ZNG1F: variants seen among roughly 807,000 people sequenced by gnomAD.
The protein encoded by ZNG1F is Zn regulated GTPase metalloprotein activator 1F.
the ZNG1F span, among the ~76,000 whole-genome samples, chr9:41,201,337 A>G: frequency 1.6e-5 from 2 of 128,332 alleles, no homozygotes; most frequent in Non-Finnish European, 3.3e-5. Context: ...CACCCTTGCA[A>G]TAACATGAAC....
chr9:41,151,405 G>C, the ZNG1F span, among the ~76,000 whole-genome samples: 2 of 150,102 alleles, frequency 1.3e-5, no homozygotes, highest in African/African-American at 4.9e-5. Context: ...AGGGAGAATG[G>C]AACCAAGTTG....
chr9:41,184,524 CTTG>C, the ZNG1F span, among the ~76,000 whole-genome samples: 1 of 147,944 alleles, frequency 6.8e-6, no homozygotes, highest in East Asian at 2.0e-4. Flanking sequence ...ATTTGAAATG[CTTG>C]TTATCTATAA....
At chr9:41,185,638 A>C in the ZNG1F span, among the ~76,000 whole-genome samples, 1 of 151,892 alleles carries the variant, frequency 6.6e-6, no homozygotes, top group Non-Finnish European at 1.5e-5. Flanking sequence ...GCACCACTGC[A>C]CTCCAGCCTG....
chr9:41,133,893 GT>G, the ZNG1F span: 16 of 264,186 alleles, frequency 6.1e-5, no homozygotes, highest in East Asian at 4.5e-4. Flanking sequence ...CATATGTGCT[GT>G]TTTTTTGGAA....
At chr9:41,134,030 A>T in the ZNG1F span, 3 of 426,716 alleles carry the variant, frequency 7.0e-6, no homozygotes, top group Non-Finnish European at 1.3e-5. Flanking sequence ...TATTTAATTC[A>T]TTCTTTCGTG....
chr9:41,173,636 C>A, the ZNG1F span, among the ~76,000 whole-genome samples: 1,002 of 113,650 alleles, frequency 8.8e-3, no homozygotes, highest in African/African-American at 0.031. Context: ...ATATGATCCT[C>A]ATATTGCCTG....
chr9:41,150,060 C>T, the ZNG1F span, among the ~76,000 whole-genome samples: 11 of 37,680 alleles, frequency 2.9e-4, 3 homozygotes, highest in Admixed American at 7.6e-4. Context: ...ATCTGAGGTA[C>T]CGGGTTCATC....
At chr9:41,192,984 T>C in the ZNG1F span, among the ~76,000 whole-genome samples, 1 of 152,098 alleles carries the variant, frequency 6.6e-6, no homozygotes, top group South Asian at 2.1e-4. Context: ...AGTAATGTTT[T>C]GAGCCCCTAA....
At chr9:41,150,885 AG>A in the ZNG1F span, among the ~76,000 whole-genome samples, 2 of 144,538 alleles carry the variant, frequency 1.4e-5, 1 homozygote, top group Non-Finnish European at 3.0e-5. Context: ...AAAACAGAGC[AG>A]AAAAACGGGA....
chr9:41,195,645 G>A, the ZNG1F span, among the ~76,000 whole-genome samples: 2 of 124,120 alleles, frequency 1.6e-5, no homozygotes, highest in Admixed American at 9.5e-5. Flanking sequence ...AAGCTGACAA[G>A]TTGAGTGGTG....
At chr9:41,166,447 T>TAC in the ZNG1F span, among the ~76,000 whole-genome samples, 842 of 5,116 alleles carry the variant, frequency 0.16, 3 homozygotes, top group African/African-American at 0.18. Context: ...TTATTATACA[T>TAC]ATATATATAT....
the ZNG1F span, among the ~76,000 whole-genome samples, chr9:41,147,676 G>A: frequency 2.1e-5 from 2 of 94,756 alleles, no homozygotes; most frequent in Admixed American, 1.1e-4. Context: ...CTGTCTCCAA[G>A]GGGAAAAAAA....
At chr9:41,169,745 T>C in the ZNG1F span, among the ~76,000 whole-genome samples, 3 of 147,418 alleles carry the variant, frequency 2.0e-5, no homozygotes, top group Non-Finnish European at 4.5e-5. Flanking sequence ...CCACCCCCTC[T>C]CAAAAAAATA....
the ZNG1F span, chr9:41,145,296 T>C: frequency 2.5e-6 from 1 of 404,958 alleles, no homozygotes. Flanking sequence ...CAAGGTGAGG[T>C]TGTGTTCCTG....
At chr9:41,157,264 C>T in the ZNG1F span, 1 of 145,280 alleles carries the variant, frequency 6.9e-6, no homozygotes. Flanking sequence ...TCAAGACCAT[C>T]CTGGCCATGG....
chr9:41,159,086 A>G, the ZNG1F span, among the ~76,000 whole-genome samples: 2 of 149,630 alleles, frequency 1.3e-5, no homozygotes, highest in South Asian at 4.2e-4. Context: ...CTTAAGACCA[A>G]GGACAGGAAA....
chr9:41,202,360 C>CT, the ZNG1F span, among the ~76,000 whole-genome samples: 3 of 106,778 alleles, frequency 2.8e-5, no homozygotes, highest in Non-Finnish European at 5.8e-5. Flanking sequence ...CCTATACTAT[C>CT]TTTTTTAATA....
the ZNG1F span, among the ~76,000 whole-genome samples, chr9:41,150,244 C>A: frequency 3.4e-5 from 5 of 148,300 alleles, no homozygotes; most frequent in East Asian, 2.0e-4. Flanking sequence ...CACTCCCACC[C>A]GAATACTGCG....
At chr9:41,159,126 C>T in the ZNG1F span, among the ~76,000 whole-genome samples, 1 of 150,560 alleles carries the variant, frequency 6.6e-6, no homozygotes, top group African/African-American at 2.4e-5. Flanking sequence ...TGGCTCTCCT[C>T]GGTGGGGGTG....
Sources: allele counts gnomAD v4.1 joint callset (sites outside exome capture counted in the v4.1 genomes callset), GRCh38; gene constraint gnomAD v4.1.1; transcripts MANE v1.5; gene names NCBI Gene and HGNC (gene_info 2026-07-23, HGNC 2026-07-21).